AGTPBP1: variants seen among roughly 807,000 people sequenced by gnomAD.
The protein encoded by AGTPBP1 is cytosolic carboxypeptidase 1.
Under a neutral mutation model 143.9 loss-of-function variants are expected in AGTPBP1, and 70 were observed. That is an observed-to-expected ratio of 0.49 (90% CI 0.40 to 0.59). AGTPBP1 has a LOEUF of 0.59. AGTPBP1 is among the 20% of genes least tolerant of loss of function. The pLI is 0.00. For missense variants in AGTPBP1, 1,229 were observed against 1,464.5 expected (o/e 0.84, Z 2.62); for synonymous variants, 463 against 500.2 (o/e 0.93, Z 0.99).
At chr9:85,588,619 C>A in intron 20 of AGTPBP1, 141 bp from the exon 21 acceptor site, 1 of 772,184 alleles carries the variant, frequency 1.3e-6, no homozygotes, top group Non-Finnish European at 2.0e-6. Flanking sequence ...ATCCTACAAG[C>A]ACTGCACTAG....
intron 15 of AGTPBP1, among the ~76,000 whole-genome samples, chr9:85,619,736 C>A (rs1830804987): frequency 6.6e-6 from 1 of 152,168 alleles, no homozygotes. Flanking sequence ...CACGTATTAT[C>A]ATTTTACATA....
chr9:85,626,149 T>C (rs1214205195), intron 14 of AGTPBP1, among the ~76,000 whole-genome samples: 1 of 152,136 alleles, frequency 6.6e-6, no homozygotes, highest in Non-Finnish European at 1.5e-5. Context: ...ATCATCAGTG[T>C]GTTTGCAATA....
chr9:85,550,849 C>A (rs1825995929), intron 25 of AGTPBP1, among the ~76,000 whole-genome samples: 1 of 152,186 alleles, frequency 6.6e-6, no homozygotes, highest in African/African-American at 2.4e-5. Flanking sequence ...ATACTGCAAG[C>A]CTTCACCAGC....
chr9:85,711,593 C>T (rs532958459), intron 2 of AGTPBP1, among the ~76,000 whole-genome samples: 2 of 151,972 alleles, frequency 1.3e-5, no homozygotes, highest in African/African-American at 2.4e-5. Flanking sequence ...GCGCCTACCA[C>T]CACACCTGGC....
At chr9:85,599,397 ATTTTTAT>A (rs1181853528) in intron 17 of AGTPBP1, among the ~76,000 whole-genome samples, 1 of 151,918 alleles carries the variant, frequency 6.6e-6, no homozygotes, top group Non-Finnish European at 1.5e-5. Context: ...TTACCATTTT[ATTTTTAT>A]TGGTTTGGTG....
chr9:85,643,175 CAG>C (rs1458966370), intron 12 of AGTPBP1, among the ~76,000 whole-genome samples: 2 of 151,952 alleles, frequency 1.3e-5, no homozygotes, highest in African/African-American at 2.4e-5. Flanking sequence ...TCTAATATAA[CAG>C]AGTATTCTGG....
intron 24 of AGTPBP1, 84 bp from the exon 25 acceptor site, chr9:85,575,559 TTATAAC>T (rs1827846493): frequency 3.5e-6 from 4 of 1,129,606 alleles, no homozygotes. Flanking sequence ...TAAAAAGAAT[TTATAAC>T]TATATTAATA....
intron 1 of AGTPBP1, chr9:85,741,476 A>G (rs922327123): frequency 1.0e-6 from 1 of 984,996 alleles, no homozygotes; most frequent in African/African-American, 1.8e-5. Context: ...CCGCCCAGAG[A>G]CCGCGCCCGA....
chr9:85,550,675 G>A (rs905858686), intron 25 of AGTPBP1, among the ~76,000 whole-genome samples: 6 of 151,994 alleles, frequency 3.9e-5, no homozygotes, highest in African/African-American at 7.3e-5. Flanking sequence ...ACCGTCTCAC[G>A]TGCACCTCAA....
At chr9:85,736,429 G>A (rs1788773674) in intron 1 of AGTPBP1, among the ~76,000 whole-genome samples, 1 of 152,098 alleles carries the variant, frequency 6.6e-6, no homozygotes, top group African/African-American at 2.4e-5. Flanking sequence ...TCATTTCTGT[G>A]CATTTGATAT....
At chr9:85,781,434 G>A in the AGTPBP1 span, 6 of 1,376,146 alleles carry the variant, frequency 4.4e-6, no homozygotes, top group Non-Finnish European at 5.8e-6. Flanking sequence ...TGCCAGCTTT[G>A]TAGTGTAGCC....
Position 85,689,944 on chromosome 9 carries a change from A to ATATATC in AGTPBP1, c.157+2744_157+2745insGATATA, listed in dbSNP as rs1248531347. Among the ~76,000 whole-genome samples the ATATATC allele has an allele frequency of 9.9e-3, 1,357 of 137,568 alleles. 13 individuals are homozygous for ATATATC. The highest frequency in any genetic ancestry group is 0.016 in the Non-Finnish European group (1,041 of 64,682). 90.2% of individuals were successfully genotyped at this position (137,568 alleles called of 152,430 possible). A position where few individuals can be genotyped will look rare whatever the true frequency, so the allele number is the denominator to read the frequency against. On this transcript the variant is annotated intron_variant, in intron 3 of 25. Transcript: ENST00000357081. ...AAAAAAAATATATATATATATATAT[A>ATATATC]TATCTTAAAGTAAAAATAAAATACC...
At chr9:85,662,121 T>C (rs1427972538) in intron 8 of AGTPBP1, among the ~76,000 whole-genome samples, 1 of 152,068 alleles carries the variant, frequency 6.6e-6, no homozygotes, top group Non-Finnish European at 1.5e-5. Flanking sequence ...TGACTAGGTG[T>C]AGGTAAAGGT....
At chr9:85,799,646 G>C in the AGTPBP1 span, among the ~76,000 whole-genome samples, 1 of 152,134 alleles carries the variant, frequency 6.6e-6, no homozygotes, top group Non-Finnish European at 1.5e-5. Context: ...CTCCCAAGTA[G>C]CTAGGACTAC....
the AGTPBP1 span, among the ~76,000 whole-genome samples, chr9:85,760,782 G>A: frequency 6.6e-6 from 1 of 152,120 alleles, no homozygotes; most frequent in Non-Finnish European, 1.5e-5. Flanking sequence ...CAATCAGGCA[G>A]GAGAAAGAAA....
At chr9:85,615,193 CA>C (rs1302963512) in intron 17 of AGTPBP1, among the ~76,000 whole-genome samples, 1 of 151,906 alleles carries the variant, frequency 6.6e-6, no homozygotes, top group Non-Finnish European at 1.5e-5. Context: ...ATATAAACAC[CA>C]AAAACATACT....
chr9:85,589,444 T>C, intron 20 of AGTPBP1, 84 bp downstream of exon 20: 1 of 1,484,700 alleles, frequency 6.7e-7, no homozygotes, highest in Non-Finnish European at 9.0e-7. Context: ...CTGTTCCTAT[T>C]ATCATTTCCA....
intron 23 of AGTPBP1, among the ~76,000 whole-genome samples, chr9:85,584,737 T>C (rs1304461143): frequency 6.6e-6 from 1 of 152,206 alleles, no homozygotes; most frequent in African/African-American, 2.4e-5. Context: ...GGAAGGTATG[T>C]GGGGAAAAAT....
At chr9:85,573,403 G>T (rs1827655439) in intron 25 of AGTPBP1, among the ~76,000 whole-genome samples, 1 of 152,214 alleles carries the variant, frequency 6.6e-6, no homozygotes, top group South Asian at 2.1e-4. Context: ...CGTTCACTCA[G>T]TGCTCAATGG....
Sources: gnomAD v4.1 joint callset for allele counts (sites outside exome capture counted in the v4.1 genomes callset) on GRCh38, gnomAD v4.1.1 for gene constraint, MANE v1.5 for transcripts, NCBI Gene and HGNC (gene_info 2026-07-23, HGNC 2026-07-21) for gene names.